Variants in CHST9 observed in about 807,000 individuals in gnomAD.
CHST9 encodes the protein carbohydrate sulfotransferase 9.
CHST9 carries 41 observed loss-of-function variants against 44.4 expected under a neutral mutation model. The observed-to-expected ratio is 0.92, with a 90% CI of 0.72 to 1.20. The LOEUF (loss-of-function observed/expected upper bound fraction) is 1.20. Ranked by LOEUF, CHST9 falls within the 50% of genes most tolerant of loss-of-function variation. The pLI, the probability that CHST9 is intolerant of heterozygous loss-of-function variation, is 0.00. For missense variants in CHST9, 504 were observed against 516.5 expected (o/e 0.98, Z 0.23); for synonymous variants, 171 against 178.4 (o/e 0.96, Z 0.33).
chr18:27,175,105 T>C (rs1341874218), intron 1 of CHST9, among the ~76,000 whole-genome samples: 1 of 152,132 alleles, frequency 6.6e-6, no homozygotes, highest in Non-Finnish European at 1.5e-5. Flanking sequence ...ATACCTTGTT[T>C]GAATCTTTTG....
At chr18:27,140,852 A>C (rs2058558559) in intron 2 of CHST9, among the ~76,000 whole-genome samples, 2 of 152,266 alleles carry the variant, frequency 1.3e-5, no homozygotes, top group African/African-American at 4.8e-5. Flanking sequence ...TTAGCATAAT[A>C]GTTTATGTAA....
intron 4 of CHST9, among the ~76,000 whole-genome samples, chr18:26,975,649 G>GTATATATATATATATA (rs36030325): frequency 1.7e-4 from 22 of 126,906 alleles, no homozygotes; most frequent in African/African-American, 6.2e-4. Flanking sequence ...ATGTATGTGT[G>GTATATATATATATATA]TATATATATA....
intron 2 of CHST9, among the ~76,000 whole-genome samples, chr18:27,068,840 G>T (rs1319037261): frequency 6.6e-6 from 1 of 152,172 alleles, no homozygotes; most frequent in Non-Finnish European, 1.5e-5. Flanking sequence ...TATGAAGCCT[G>T]TGGCCTGGAT....
chr18:27,049,033 T>C (rs1361505648), intron 2 of CHST9, among the ~76,000 whole-genome samples: 2 of 152,044 alleles, frequency 1.3e-5, no homozygotes, highest in East Asian at 1.9e-4. Context: ...AAATTTGAAA[T>C]AGAGAAATGA....
chr18:27,184,355 G>A (rs2058938214), intron 1 of CHST9, among the ~76,000 whole-genome samples: 1 of 152,178 alleles, frequency 6.6e-6, no homozygotes, highest in Non-Finnish European at 1.5e-5. Flanking sequence ...ACTCCTGACA[G>A]ACATCAACCA....
intron 2 of CHST9, among the ~76,000 whole-genome samples, chr18:27,091,810 T>C (rs988708833): frequency 1.3e-5 from 2 of 152,202 alleles, no homozygotes; most frequent in African/African-American, 2.4e-5. Context: ...TTGATCATAG[T>C]GGATAAGCTT....
intron 4 of CHST9, among the ~76,000 whole-genome samples, chr18:26,985,914 G>A (rs937213657): frequency 6.6e-6 from 1 of 152,138 alleles, no homozygotes; most frequent in African/African-American, 2.4e-5. Flanking sequence ...TTTTAGACTG[G>A]TCACTGTTTT....
intron 4 of CHST9, among the ~76,000 whole-genome samples, chr18:26,976,380 G>A (rs1428039404): frequency 6.6e-6 from 1 of 152,100 alleles, no homozygotes; most frequent in East Asian, 1.9e-4. Flanking sequence ...TCAGATAAAA[G>A]ATCAAGCCTA....
intron 4 of CHST9, among the ~76,000 whole-genome samples, chr18:26,966,436 T>C (rs1037914871): frequency 6.6e-6 from 1 of 152,162 alleles, no homozygotes; most frequent in African/African-American, 2.4e-5. Flanking sequence ...ATAATCTAGA[T>C]CTTTGGGGAT....
At position 26,913,655 on chromosome 18, in the gene CHST9, C is replaced by T. The variant is rs2055472261; in HGVS notation, c.*2604G>A. 1 of 152,150 alleles carries T rather than the reference C, an allele frequency of 6.6e-6. No homozygotes were observed. The highest frequency in any genetic ancestry group is 1.5e-5 in the Non-Finnish European group (1 of 68,042). 9.4% of individuals were successfully genotyped at this position (152,150 alleles called of 1,614,324 possible). Reference sequence around the variant, plus strand: ...ATTGCACCTAATGTTAAAATGGGAACTTTGGACATCTGGAAGATGAGTCTG... The same window carrying T: ...ATTGCACCTAATGTTAAAATGGGAATTTTGGACATCTGGAAGATGAGTCTG... On this transcript the variant is annotated 3_prime_UTR_variant, in exon 6 of 6. Transcript: ENST00000618847.
Position 27,049,664 on chromosome 18 carries a change from T to C in CHST9, c.122-1161A>G, listed in dbSNP as rs148896028. Among the ~76,000 whole-genome samples, 531 of 152,238 alleles carry C rather than the reference T, an allele frequency of 3.5e-3. 1 individual carries two copies. The highest frequency in any genetic ancestry group is 5.5e-3 in the Non-Finnish European group (377 of 68,002). ...TGACCAAATGGACCTAACAGACATC[T>C]ACTGAATAGTCCATCCAGCAACCAC... On this transcript the variant is annotated intron_variant, in intron 2 of 5. Coordinates refer to ENST00000618847, the MANE Select transcript of CHST9 (RefSeq NM_031422.6).
At position 26,991,708 on chromosome 18, in the gene CHST9, A is replaced by G. The variant is rs2145209371; in HGVS notation, c.202+32408T>C. On this transcript the variant is annotated intron_variant, in intron 4 of 5. Coordinates refer to ENST00000618847, the MANE Select transcript of CHST9 (RefSeq NM_031422.6). Reference sequence around the variant, plus strand: ...GGAGACGATGGTGACTTAGATGCCAAGCAAAGACAGTTTTCTGAGGAGGAG... The same window carrying G: ...GGAGACGATGGTGACTTAGATGCCAGGCAAAGACAGTTTTCTGAGGAGGAG... Among the ~76,000 whole-genome samples, 2 of 67,566 alleles carry G rather than the reference A, an allele frequency of 3.0e-5. 1 individual carries two copies. Among genetic ancestry groups the G allele is most frequent in the Non-Finnish European group, 8.0e-5 (2 of 24,880 alleles). The allele number at this position is 67,566 out of a possible 152,430, so 44.3% of individuals were successfully genotyped here. A position where few individuals can be genotyped will look rare whatever the true frequency, so the allele number is the denominator to read the frequency against.
At chr18:27,044,462 G>T (rs1447586979) in intron 3 of CHST9, among the ~76,000 whole-genome samples, 1 of 151,978 alleles carries the variant, frequency 6.6e-6, no homozygotes, top group East Asian at 1.9e-4. Context: ...TTTTAAGCTT[G>T]ATTCTAACTG....
intron 2 of CHST9, among the ~76,000 whole-genome samples, chr18:27,132,281 CA>C: frequency 1.3e-5 from 2 of 152,282 alleles, no homozygotes; most frequent in Non-Finnish European, 2.9e-5. Context: ...CACAACATGT[CA>C]GCTAAATGAT....
chr18:27,179,835 A>C (rs1051010232), intron 1 of CHST9, among the ~76,000 whole-genome samples: 1 of 152,152 alleles, frequency 6.6e-6, no homozygotes, highest in Admixed American at 6.5e-5. Flanking sequence ...AATTAAACTT[A>C]AGACCAACTC....
At chr18:27,101,461 C>A (rs1201530454) in intron 2 of CHST9, among the ~76,000 whole-genome samples, 2 of 114,416 alleles carry the variant, frequency 1.7e-5, no homozygotes, top group Non-Finnish European at 3.5e-5. Flanking sequence ...GGTGCGGTGG[C>A]GGGCGCCTGT....
At chr18:27,147,138 C>G (rs1166306955) in intron 1 of CHST9, among the ~76,000 whole-genome samples, 1 of 152,062 alleles carries the variant, frequency 6.6e-6, no homozygotes, top group Non-Finnish European at 1.5e-5. Flanking sequence ...GATCTCAGCT[C>G]ACCACAACCT....
intron 2 of CHST9, among the ~76,000 whole-genome samples, chr18:27,085,394 A>G (rs534446466): frequency 6.6e-6 from 1 of 152,290 alleles, no homozygotes; most frequent in South Asian, 2.1e-4. Flanking sequence ...TACTATCCAG[A>G]ATCTATAAGG....
intron 5 of CHST9, among the ~76,000 whole-genome samples, chr18:26,930,072 G>A (rs1027760611): frequency 3.3e-5 from 5 of 152,194 alleles, no homozygotes; most frequent in African/African-American, 1.2e-4. Context: ...CAGCACCTTT[G>A]AGTGAAACAC....
Sources: allele counts gnomAD v4.1 joint callset (sites outside exome capture counted in the v4.1 genomes callset), GRCh38; gene constraint gnomAD v4.1.1; transcripts MANE v1.5; gene names NCBI Gene and HGNC (gene_info 2026-07-23, HGNC 2026-07-21).